The following NPR2 variants were observed in gnomAD, a reference collection of about 807,000 sequenced individuals.
The protein encoded by NPR2 is atrial natriuretic peptide receptor 2.
Under a neutral mutation model 120.7 loss-of-function variants are expected in NPR2, and 49 were observed. The observed-to-expected ratio is 0.41, with a 90% CI of 0.32 to 0.52. The LOEUF (loss-of-function observed/expected upper bound fraction) is 0.52, where lower values mean the gene tolerates loss of function less well. Among genes scored for constraint, NPR2 ranks in the 20% least tolerant of loss-of-function variants. The probability of loss-of-function intolerance (pLI) is 0.36; values close to 1 mark genes in which losing one functional copy is unlikely to be tolerated. For missense variants in NPR2, 931 were observed against 1,362.9 expected (o/e 0.68, Z 4.99); for synonymous variants, 484 against 519.8 (o/e 0.93, Z 0.94).
At position 35,792,857 on chromosome 9, in the gene NPR2, G is replaced by C. The variant is rs753695561; in HGVS notation, c.449G>C (p.Gly150Ala). The change falls in exon 1 of 22, where the codon GGT (glycine) becomes GCT (alanine). Residue 150 changes from glycine to alanine, a missense_variant. By Grantham distance (60) the Gly-to-Ala change is moderately conservative (BLOSUM62 0). Around this residue, in one of 3 missense-constraint regions of NPR2, gnomAD observed 681 missense variants for 974.3 expected, o/e 0.70. Transcript: ENST00000342694. The stretch of plus-strand genomic sequence containing the variant: ...ACTGGCCCCTCTGCTCCCAAGCTGG[G>C]TGAGTTTGTGGTGACACTACACGGG... Reference protein sequence around the residue: ...VRTGPSAPKLGEFVVTLHGHF... With the variant: ...VRTGPSAPKLAEFVVTLHGHF... The C allele has an allele frequency of 6.2e-7, 1 of 1,614,194 alleles. No homozygotes were observed. Among genetic ancestry groups the C allele is most frequent in the South Asian group, 1.1e-5 (1 of 91,090 alleles).
At position 35,808,741 on chromosome 9, in the gene NPR2, G is replaced by A; in HGVS notation, c.2888-14G>A. Reference sequence around the variant, plus strand: ...CACCTTTCCCAGACTCTCCCAACCTGTTTCTTCTCAAAGGGCCAGTCTGTG... The same window carrying A: ...CACCTTTCCCAGACTCTCCCAACCTATTTCTTCTCAAAGGGCCAGTCTGTG... On this transcript the variant is annotated splice_polypyrimidine_tract_variant and intron_variant, in intron 19 of 21. Coordinates refer to ENST00000342694, the MANE Select transcript of NPR2 (RefSeq NM_003995.4). This position sits in a 1 kb window ranked among gnomAD's most constrained non-coding sequence, Gnocchi z 4.0. 6.2e-7 allele frequency: 1 copy of A among 1,613,108 alleles called. No homozygotes were observed. The highest frequency in any genetic ancestry group is 1.7e-5 in the Admixed American group (1 of 60,016).
rs1458861401 is a variant in NPR2 at position 35,803,258 on chromosome 9, T to C, written c.1887+455T>C. On this transcript the variant is annotated intron_variant, in intron 12 of 21. Coordinates refer to ENST00000342694, the MANE Select transcript of NPR2 (RefSeq NM_003995.4). Reference sequence around the variant, plus strand: ...AGCTGGGACTACAGGCGCCCGCCACTACGCCCGGCTAATTTTTTTGTATTT... The same window carrying C: ...AGCTGGGACTACAGGCGCCCGCCACCACGCCCGGCTAATTTTTTTGTATTT... 3.1e-5 allele frequency among the ~76,000 whole-genome samples: 4 copies of C among 129,928 alleles called. 1 individual carries two copies. The highest frequency in any genetic ancestry group is 2.4e-4 in the East Asian group (1 of 4,192). The allele number at this position is 129,928 out of a possible 152,430, so 85.2% of individuals were successfully genotyped here.
Position 35,800,205 on chromosome 9 carries a change from G to C in NPR2, c.1123+48G>C, listed in dbSNP as rs1828098103. The stretch of plus-strand genomic sequence containing the variant: ...GGTCTGAGGGCTGATGTCAGGAATA[G>C]AGTGGGCTGAAGAAGAAACAGATGT... On this transcript the variant is annotated intron_variant, in intron 4 of 21. Transcript: ENST00000342694. The surrounding 1 kb of genome is among the most constrained non-coding windows in gnomAD (Gnocchi z 4.7). The C allele has an allele frequency of 6.4e-7, 1 of 1,568,076 alleles. No homozygotes were observed. Among genetic ancestry groups the C allele is most frequent in the African/African-American group, 1.4e-5 (1 of 74,066 alleles).
Position 35,808,696 on chromosome 9 carries a change from C to A in NPR2, c.2887+13C>A. 6.2e-7 allele frequency: 1 copy of A among 1,613,390 alleles called. No homozygotes were observed. The highest frequency in any genetic ancestry group is 8.5e-7 in the Non-Finnish European group (1 of 1,179,300). On this transcript the variant is annotated intron_variant, in intron 19 of 21. Transcript: ENST00000342694. The surrounding 1 kb of genome is among the most constrained non-coding windows in gnomAD (Gnocchi z 4.0). ...GGGGTCCATACTGGTAAGGCTGACT[C>A]TCACTCCAGCCCTAGTCTCCACCTT...
Position 35,806,671 on chromosome 9 carries a change from G to A in NPR2, c.2519+133G>A. 1 of 976,410 alleles carries A rather than the reference G, an allele frequency of 1.0e-6. No individual in the cohort carries two copies. Among genetic ancestry groups the A allele is most frequent in the Non-Finnish European group, 1.6e-6 (1 of 618,296 alleles). 60.5% of individuals were successfully genotyped at this position (976,410 alleles called of 1,614,324 possible). A position where few individuals can be genotyped will look rare whatever the true frequency, so the allele number is the denominator to read the frequency against. On this transcript the variant is annotated intron_variant, in intron 16 of 21. Transcript: ENST00000342694. The surrounding 1 kb of genome is among the most constrained non-coding windows in gnomAD (Gnocchi z 4.6). ...GCCACAGGGAGCACCCCTGCTTATA[G>A]ATTATTTGCTGTCATTCTGTCTCCA...
At chr9:35,801,224 T>G in intron 7 of NPR2, 70 bp downstream of exon 7, 1 of 1,195,202 alleles carries the variant, frequency 8.4e-7, no homozygotes, top group Non-Finnish European at 1.3e-6. Flanking sequence ...TGAAGCCAGG[T>G]GGTCCCTATA....
In NPR2 at chr9:35,792,675, G is replaced by A. The variant is rs776959750; in HGVS notation, c.267G>A (p.Leu89=). The change falls in exon 1 of 22, where the codon CTG becomes CTA. Residue 89 remains leucine (L), a synonymous_variant. Coordinates refer to ENST00000342694, the MANE Select transcript of NPR2 (RefSeq NM_003995.4). ...LAPLSAVDLK[L]YHDPDLLLGP... is the part of the protein sequence containing the mutation. Reference sequence around the variant, plus strand: ...CGCTGAGCGCTGTGGACCTCAAGCTGTACCATGACCCCGACCTGCTGTTAG... The same window carrying A: ...CGCTGAGCGCTGTGGACCTCAAGCTATACCATGACCCCGACCTGCTGTTAG... 6 of 1,614,046 alleles carry A rather than the reference G, an allele frequency of 3.7e-6. No homozygotes were observed. The East Asian group carries it at 1.1e-4, about 30-fold the overall frequency.
rs775168556 is a variant in NPR2 at position 35,808,589 on chromosome 9, T to A, written c.2793T>A (p.Ala931=). 1.9e-6 allele frequency: 3 copies of A among 1,614,106 alleles called. 1 individual carries two copies. The highest frequency in any genetic ancestry group is 2.2e-5 in the South Asian group (2 of 91,086). The change falls in exon 19 of 22, where the codon GCT becomes GCA. Residue 931 remains alanine (A), a synonymous_variant. Transcript: ENST00000342694. This position sits in a 1 kb window ranked among gnomAD's most constrained non-coding sequence, Gnocchi z 4.0. ...GTCAACGCCATGCACCAGAAATTGC[T>A]CGTATGGCCCTAGCATTACTAGATG... is the stretch of plus-strand genomic sequence containing the variant. The part of the protein sequence containing the change: ...RNGQRHAPEI[A]RMALALLDAV...
chr9:35,794,522 G>A (rs1052468410), intron 2 of NPR2, among the ~76,000 whole-genome samples: 2 of 152,196 alleles, frequency 1.3e-5, no homozygotes, highest in Non-Finnish European at 2.9e-5. Context: ...AAGAACTTTA[G>A]TGGCTCAGAG....
chr9:35,798,256 A>T (rs1828008814), intron 2 of NPR2, among the ~76,000 whole-genome samples: 1 of 152,168 alleles, frequency 6.6e-6, no homozygotes, highest in African/African-American at 2.4e-5. Context: ...GACTTTTTAC[A>T]TTGCTTGTCA....
rs1184745327 is a variant in NPR2 at position 35,792,739 on chromosome 9, T to C, written c.331T>C (p.Phe111Leu). ...CVYPAASVARFASHWRLPLLT... is the reference protein window; with the variant it reads ...CVYPAASVARLASHWRLPLLT... Reference sequence around the variant, plus strand: ...GTACCCTGCTGCCTCTGTGGCCCGCTTTGCCTCCCACTGGCGCCTTCCCCT... The same window carrying C: ...GTACCCTGCTGCCTCTGTGGCCCGCCTTGCCTCCCACTGGCGCCTTCCCCT... The change falls in exon 1 of 22, where the codon TTT (phenylalanine) becomes CTT (leucine). Residue 111 changes from phenylalanine to leucine, a missense_variant. Physicochemically the swap from Phe to Leu is conservative, Grantham distance 22. Around this residue, in one of 3 missense-constraint regions of NPR2, gnomAD observed 681 missense variants for 974.3 expected, o/e 0.70. Transcript: ENST00000342694. 6.2e-7 allele frequency: 1 copy of C among 1,614,040 alleles called. No homozygotes were observed. Among genetic ancestry groups the C allele is most frequent in the Non-Finnish European group, 8.5e-7 (1 of 1,180,024 alleles).
At position 35,800,249 on chromosome 9, in the gene NPR2, A is replaced by C; in HGVS notation, c.1123+92A>C. 7.1e-7 allele frequency: 1 copy of C among 1,415,288 alleles called. No homozygotes were observed. The highest frequency in any genetic ancestry group is 1.0e-6 in the Non-Finnish European group (1 of 998,766). The allele number at this position is 1,415,288 out of a possible 1,614,324, so 87.7% of individuals were successfully genotyped here. A position where few individuals can be genotyped will look rare whatever the true frequency, so the allele number is the denominator to read the frequency against. ...CAGATGTCAGGATCACCACAGCTTT[A>C]GTGGGGGTTAGTGAATATGGCAGAG... On this transcript the variant is annotated intron_variant, in intron 4 of 21. Coordinates refer to ENST00000342694, the MANE Select transcript of NPR2 (RefSeq NM_003995.4). The surrounding 1 kb of genome is among the most constrained non-coding windows in gnomAD (Gnocchi z 4.7).
intron 12 of NPR2, among the ~76,000 whole-genome samples, chr9:35,803,676 T>G (rs114263518): frequency 1.3e-5 from 2 of 152,244 alleles, no homozygotes; most frequent in Non-Finnish European, 2.9e-5. Context: ...GAGCATAAAA[T>G]AGAATCTTGC....
rs759815929 is a variant in NPR2 at position 35,805,779 on chromosome 9, T to C, written c.2048-51T>C. On this transcript the variant is annotated intron_variant, in intron 13 of 21. Transcript: ENST00000342694. This position sits in a 1 kb window ranked among gnomAD's most constrained non-coding sequence, Gnocchi z 4.9. ...AATATAGGGATGAGCCCAGGTGGGC[T>C]TGGGGGTGCCCCATTTCGGGGGACC... 6.2e-7 allele frequency: 1 copy of C among 1,611,010 alleles called. No individual in the cohort carries two copies. The highest frequency in any genetic ancestry group is 8.5e-7 in the Non-Finnish European group (1 of 1,177,782).
rs999465471 is a variant in NPR2 at position 35,800,540 on chromosome 9, G to C, written c.1218+57G>C. ...GGCCCTGCAAAATCCAGCTTTCAAG[G>C]GTTCAGTCGGGGCAGAACCAAAACT... On this transcript the variant is annotated intron_variant, in intron 5 of 21. Transcript: ENST00000342694. The surrounding 1 kb of genome is among the most constrained non-coding windows in gnomAD (Gnocchi z 4.7). The C allele has an allele frequency of 4.6e-5, 73 of 1,576,484 alleles. No individual in the cohort carries two copies. In the Middle Eastern group the frequency reaches 1.7e-3, roughly 36 times the overall value.
intron 12 of NPR2, among the ~76,000 whole-genome samples, chr9:35,804,001 A>G (rs868802722): frequency 7.2e-5 from 11 of 152,242 alleles, no homozygotes; most frequent in African/African-American, 2.7e-4. Flanking sequence ...TCCTTTGCAC[A>G]GTTTCCACAC....
chr9:35,793,212 A>G, intron 1 of NPR2, 137 bp downstream of exon 1: 1 of 937,908 alleles, frequency 1.1e-6, no homozygotes. Context: ...GCACACGTGG[A>G]CAGAGCACCT....
chr9:35,792,342 T>C lies in NPR2; in HGVS notation c.-67T>C. 1 of 1,525,170 alleles carries C rather than the reference T, an allele frequency of 6.6e-7. No individual in the cohort carries two copies. Among genetic ancestry groups the C allele is most frequent in the East Asian group, 2.3e-5 (1 of 42,736 alleles). The allele number at this position is 1,525,170 out of a possible 1,614,324, so 94.5% of individuals were successfully genotyped here. A position where few individuals can be genotyped will look rare whatever the true frequency, so the allele number is the denominator to read the frequency against. ...CCCCAGGCTCCAGGCTGGGGGGTGC[T>C]CGCGTCTCCCCTGTAGGCCAGAGCA... On this transcript the variant is annotated 5_prime_UTR_variant, in exon 1 of 22. Coordinates refer to ENST00000342694, the MANE Select transcript of NPR2 (RefSeq NM_003995.4).
In NPR2 at chr9:35,791,816, G is replaced by C. The variant is rs1269010241; in HGVS notation, c.-593G>C. Among the ~76,000 whole-genome samples the C allele has an allele frequency of 6.6e-6, 1 of 151,986 alleles. No individual in the cohort carries two copies. Among genetic ancestry groups the C allele is most frequent in the Non-Finnish European group, 1.5e-5 (1 of 67,898 alleles). On this transcript the variant is annotated 5_prime_UTR_variant, in exon 1 of 22. Transcript: ENST00000342694. Reference sequence around the variant, plus strand: ...CGCCCGGGCCCGTTAGTCCAAGCAGGAGCTCCGGGAGAATCCTTCACAGGG... The same window carrying C: ...CGCCCGGGCCCGTTAGTCCAAGCAGCAGCTCCGGGAGAATCCTTCACAGGG...
Sources: allele counts gnomAD v4.1 joint callset (sites outside exome capture counted in the v4.1 genomes callset), GRCh38; gene constraint gnomAD v4.1.1; regional missense constraint gnomAD v4.1.1; non-coding constraint Gnocchi (gnomAD v3.1); transcripts MANE v1.5; gene names NCBI Gene and HGNC (gene_info 2026-07-23, HGNC 2026-07-21).